The following CCSER1 variants were observed in gnomAD, a reference collection of about 807,000 sequenced individuals.
The protein encoded by CCSER1 is coiled-coil serine rich protein 1, also known as serine-rich coiled-coil domain-containing protein 1.
CCSER1 carries 41 observed loss-of-function variants against 82.0 expected under a neutral mutation model. The ratio of observed to expected loss-of-function variants is 0.50; its 90% CI spans 0.39 to 0.65. The LOEUF (loss-of-function observed/expected upper bound fraction) is 0.65. CCSER1 is among the 30% of genes least tolerant of loss of function. The pLI is 0.00. For synonymous variants in CCSER1, 414 were observed against 383.9 expected, an observed-to-expected ratio of 1.08 and a Z score of -0.92; for missense variants, 1,119 against 1,064.2, an observed-to-expected ratio of 1.05 and a Z score of -0.72.
chr4:90,894,465 T>G (rs1246331120), intron 8 of CCSER1, among the ~76,000 whole-genome samples: 1 of 152,020 alleles, frequency 6.6e-6, no homozygotes, highest in Non-Finnish European at 1.5e-5. Flanking sequence ...CAACTAATAC[T>G]TGTTTAAATT....
At chr4:91,101,092 A>C (rs890243681) in intron 10 of CCSER1, among the ~76,000 whole-genome samples, 6 of 152,218 alleles carry the variant, frequency 3.9e-5, no homozygotes, top group Non-Finnish European at 5.9e-5. Flanking sequence ...TGACAGACAC[A>C]AAATCACTGT....
Position 90,929,469 on chromosome 4 carries a change from A to G in CCSER1, c.2172+6022A>G, listed in dbSNP as rs191462062. On this transcript the variant is annotated intron_variant, in intron 9 of 10. Transcript: ENST00000509176. ...TAGTAATGTCTAAACATAAGTGCCA[A>G]CATGCAGTTGTTTTTATAGTGTGGC... Among the ~76,000 whole-genome samples, 6 of 152,302 alleles carry G rather than the reference A, an allele frequency of 3.9e-5. No homozygotes were observed. The East Asian group carries it at 5.8e-4, about 15-fold the overall frequency.
chr4:90,698,029 G>A (rs1450555432), intron 6 of CCSER1, among the ~76,000 whole-genome samples: 1 of 152,190 alleles, frequency 6.6e-6, no homozygotes, highest in Non-Finnish European at 1.5e-5. Context: ...GAACTTGGTT[G>A]TAAATGATGG....
At chr4:90,405,223 A>G (rs2153548722) in intron 4 of CCSER1, among the ~76,000 whole-genome samples, 1 of 152,228 alleles carries the variant, frequency 6.6e-6, no homozygotes, top group Middle Eastern at 3.4e-3. Context: ...TGCCCTGGAA[A>G]GCTTCAGCAA....
chr4:91,012,609 G>A (rs1739087009), intron 9 of CCSER1, among the ~76,000 whole-genome samples: 1 of 152,044 alleles, frequency 6.6e-6, no homozygotes, highest in African/African-American at 2.4e-5. Context: ...CAGGCCACTG[G>A]GCCAGGGTAG....
chr4:91,457,079 T>C (rs891165849), intron 10 of CCSER1, among the ~76,000 whole-genome samples: 1 of 152,152 alleles, frequency 6.6e-6, no homozygotes, highest in Non-Finnish European at 1.5e-5. Flanking sequence ...AATATTTTTA[T>C]CTTTATCTGA....
rs1356014728 is a variant in CCSER1 at position 90,933,229 on chromosome 4, C to T, written c.2172+9782C>T. On this transcript the variant is annotated intron_variant, in intron 9 of 10. Coordinates refer to ENST00000509176, the MANE Select transcript of CCSER1 (RefSeq NM_001145065.2). Reference sequence around the variant, plus strand: ...TTGAGACGGAGTCTCGCTCTGTCGCCGAGGCTGGAGTGCGGAGGCGCGGTC... The same window carrying T: ...TTGAGACGGAGTCTCGCTCTGTCGCTGAGGCTGGAGTGCGGAGGCGCGGTC... 2.7e-5 allele frequency among the ~76,000 whole-genome samples: 4 copies of T among 146,678 alleles called. 1 individual carries two copies. The highest frequency in any genetic ancestry group is 2.1e-4 in the South Asian group (1 of 4,712).
chr4:91,127,190 C>G (rs1364261563), intron 10 of CCSER1, among the ~76,000 whole-genome samples: 1 of 152,012 alleles, frequency 6.6e-6, no homozygotes, highest in Non-Finnish European at 1.5e-5. Flanking sequence ...CCACAAATCC[C>G]TGTGATAGTG....
chr4:91,125,532 T>C (rs1255446211), intron 10 of CCSER1, among the ~76,000 whole-genome samples: 1 of 151,720 alleles, frequency 6.6e-6, no homozygotes, highest in Non-Finnish European at 1.5e-5. Flanking sequence ...TTTTGTGCTT[T>C]AGAAGATATT....
At chr4:90,979,627 T>C (rs72884714) in intron 9 of CCSER1, among the ~76,000 whole-genome samples, 8,185 of 151,816 alleles carry the variant, frequency 0.054, 236 homozygotes, top group Middle Eastern at 0.092. Context: ...TGCCGCCATA[T>C]GACTACTTTC....
At chr4:90,502,018 T>C (rs532447979) in intron 5 of CCSER1, among the ~76,000 whole-genome samples, 2 of 152,302 alleles carry the variant, frequency 1.3e-5, no homozygotes, top group South Asian at 2.1e-4. Flanking sequence ...CTACCATATA[T>C]ATCAATCAAA....
chr4:90,509,836 C>T (rs182044321), intron 5 of CCSER1, among the ~76,000 whole-genome samples: 6 of 152,164 alleles, frequency 3.9e-5, no homozygotes, highest in African/African-American at 9.6e-5. Context: ...ATATTTAAAA[C>T]GTGCTTTATA....
At chr4:91,181,237 A>T (rs568748513) in intron 10 of CCSER1, among the ~76,000 whole-genome samples, 1 of 152,314 alleles carries the variant, frequency 6.6e-6, no homozygotes, top group African/African-American at 2.4e-5. Flanking sequence ...TGCAAAGGCA[A>T]CTTTGTCACA....
In CCSER1 at chr4:90,271,772, A is replaced by G. The variant is rs1436769452; in HGVS notation, c.-41-36472A>G. 2.1e-5 allele frequency among the ~76,000 whole-genome samples: 3 copies of G among 141,842 alleles called. No homozygotes were observed. In the Admixed American group the frequency reaches 2.2e-4, roughly 10 times the overall value. The allele number at this position is 141,842 out of a possible 152,430, so 93.1% of individuals were successfully genotyped here. A position where few individuals can be genotyped will look rare whatever the true frequency, so the allele number is the denominator to read the frequency against. On this transcript the variant is annotated intron_variant, in intron 1 of 10. Coordinates refer to ENST00000509176, the MANE Select transcript of CCSER1 (RefSeq NM_001145065.2). ...CAAGGAATTAATAACCAGATTATATATGTATTAGTCCATTTTCACACTGCT... is the reference window on the plus strand; with the variant it reads ...CAAGGAATTAATAACCAGATTATATGTGTATTAGTCCATTTTCACACTGCT...
intron 10 of CCSER1, among the ~76,000 whole-genome samples, chr4:91,143,614 T>A (rs548837731): frequency 6.6e-6 from 1 of 152,184 alleles, no homozygotes; most frequent in African/African-American, 2.4e-5. Flanking sequence ...GGGTTTGTCA[T>A]AGATGGCTCT....
chr4:91,111,253 A>G (rs555667496), intron 10 of CCSER1, among the ~76,000 whole-genome samples: 1 of 152,142 alleles, frequency 6.6e-6, no homozygotes, highest in East Asian at 1.9e-4. Flanking sequence ...CATCACTTTT[A>G]TCTAATGTGA....
At chr4:91,214,063 A>T (rs1737046814) in intron 10 of CCSER1, among the ~76,000 whole-genome samples, 1 of 152,134 alleles carries the variant, frequency 6.6e-6, no homozygotes, top group Non-Finnish European at 1.5e-5. Flanking sequence ...TAGAAAAGAG[A>T]ACATAAATTT....
At chr4:90,993,462 A>ATTT (rs150700987) in intron 9 of CCSER1, among the ~76,000 whole-genome samples, 18 of 148,970 alleles carry the variant, frequency 1.2e-4, no homozygotes, top group Admixed American at 4.7e-4. Flanking sequence ...TTATTTCCTT[A>ATTT]TTTTTTTTTT....
intron 10 of CCSER1, among the ~76,000 whole-genome samples, chr4:91,142,965 C>CT (rs34345423): frequency 0.72 from 109,529 of 151,850 alleles, 39,832 homozygotes; most frequent in Non-Finnish European, 0.78. Flanking sequence ...TATTTGAACT[C>CT]TTTTTTGGTT....
Sources: gnomAD v4.1 joint callset for allele counts (sites outside exome capture counted in the v4.1 genomes callset) on GRCh38, gnomAD v4.1.1 for gene constraint, MANE v1.5 for transcripts, NCBI Gene and HGNC (gene_info 2026-07-23, HGNC 2026-07-21) for gene names.